Variants in CHN2 observed in about 807,000 individuals in gnomAD.
CHN2 encodes the protein chimerin 2, also known as beta-chimaerin.
A neutral mutation model predicts 56.3 loss-of-function variants in CHN2; 35 were observed. The ratio of observed to expected loss-of-function variants is 0.62; its 90% CI spans 0.47 to 0.82. The LOEUF (loss-of-function observed/expected upper bound fraction) is 0.82. Among genes scored for constraint, CHN2 ranks in the 40% least tolerant of loss-of-function variants. CHN2 has a pLI of 0.00. For missense variants in CHN2, 491 were observed against 580.5 expected (o/e 0.85, Z 1.58); for synonymous variants, 210 against 212.8 (o/e 0.99, Z 0.12).
intron 3 of CHN2, among the ~76,000 whole-genome samples, chr7:29,371,453 C>T (rs1799609400): frequency 6.6e-6 from 1 of 152,236 alleles, no homozygotes; most frequent in South Asian, 2.1e-4. Context: ...TTCCTGAACA[C>T]TCCATGCCGA....
At chr7:29,323,504 C>A (rs1323603604) in intron 1 of CHN2, among the ~76,000 whole-genome samples, 1 of 152,134 alleles carries the variant, frequency 6.6e-6, no homozygotes, top group African/African-American at 2.4e-5. Context: ...TTCTTCCTGC[C>A]TGCTACATAA....
At chr7:29,219,627 A>G (rs1436442938) in intron 1 of CHN2, among the ~76,000 whole-genome samples, 4 of 152,212 alleles carry the variant, frequency 2.6e-5, no homozygotes. Context: ...AAAATTTAAG[A>G]TATACTATGT....
intron 10 of CHN2, among the ~76,000 whole-genome samples, chr7:29,506,514 G>A (rs1160829940): frequency 6.6e-6 from 1 of 152,092 alleles, no homozygotes; most frequent in Non-Finnish European, 1.5e-5. Flanking sequence ...GCACGTCCCT[G>A]GAATCCCAGC....
At chr7:29,303,233 C>T (rs191274400) in intron 1 of CHN2, among the ~76,000 whole-genome samples, 4 of 152,318 alleles carry the variant, frequency 2.6e-5, no homozygotes, top group East Asian at 1.9e-4. Flanking sequence ...TTTCATGATA[C>T]GCTTGATGCA....
intron 2 of CHN2, chr7:29,185,418 G>A (rs367850864): frequency 2.6e-5 from 4 of 152,152 alleles, no homozygotes; most frequent in Non-Finnish European, 5.9e-5. Context: ...CATGATGTCT[G>A]TGGTTACACG....
At chr7:29,379,549 G>T (rs946731318) in intron 3 of CHN2, among the ~76,000 whole-genome samples, 3 of 152,188 alleles carry the variant, frequency 2.0e-5, no homozygotes, top group Non-Finnish European at 2.9e-5. Context: ...AAATATATAT[G>T]CTGTAAAGCA....
chr7:29,281,606 A>T lies in CHN2; in HGVS notation c.50-73019A>T, dbSNP rs1286641215. Among the ~76,000 whole-genome samples, 9 of 152,322 alleles carry T rather than the reference A, an allele frequency of 5.9e-5. No individual in the cohort carries two copies. The East Asian group carries it at 9.7e-4, about 16-fold the overall frequency. The stretch of plus-strand genomic sequence containing the variant: ...GGCAAGGTCTCCCGTGGCTATGAGG[A>T]TCACATGAAATAATATGTTTAAAAC... On this transcript the variant is annotated intron_variant, in intron 1 of 12. Transcript: ENST00000222792.
Position 29,468,668 on chromosome 7 carries a change from C to T in CHN2, c.577-11611C>T, listed in dbSNP as rs140124617. 7.2e-3 allele frequency among the ~76,000 whole-genome samples: 1,101 copies of T among 152,246 alleles called. 7 individuals carry two copies. Among genetic ancestry groups the T allele is most frequent in the Non-Finnish European group, 0.012 (823 of 68,012 alleles). On this transcript the variant is annotated intron_variant, in intron 6 of 12. Transcript: ENST00000222792. ...GTCTCTGATCCAAGTGCTCTTCTCCCATTCTTAAAACACGTGCAATCAGAT... is the reference window on the plus strand; with the variant it reads ...GTCTCTGATCCAAGTGCTCTTCTCCTATTCTTAAAACACGTGCAATCAGAT...
chr7:29,509,855 A>AAG (rs963496862), intron 12 of CHN2, among the ~76,000 whole-genome samples: 22 of 151,792 alleles, frequency 1.4e-4, no homozygotes, highest in Non-Finnish European at 2.5e-4. Flanking sequence ...AAAAAAAAAA[A>AAG]AAAAAGAAAA....
At chr7:29,311,681 A>G (rs1794613707) in intron 1 of CHN2, among the ~76,000 whole-genome samples, 1 of 152,094 alleles carries the variant, frequency 6.6e-6, no homozygotes, top group Non-Finnish European at 1.5e-5. Flanking sequence ...TTCCCCTACC[A>G]CATTGTAGAG....
intron 1 of CHN2, among the ~76,000 whole-genome samples, chr7:29,210,949 G>A (rs947231932): frequency 2.0e-5 from 3 of 152,124 alleles, no homozygotes; most frequent in Admixed American, 2.0e-4. Context: ...AGGAGGAGGC[G>A]GATCATGGAG....
intron 7 of CHN2, among the ~76,000 whole-genome samples, chr7:29,492,123 A>G (rs1314343388): frequency 6.6e-6 from 1 of 152,210 alleles, no homozygotes; most frequent in African/African-American, 2.4e-5. Flanking sequence ...TTACTCTTAG[A>G]TGATAATTAG....
chr7:29,486,760 C>T (rs1181826171), intron 7 of CHN2, among the ~76,000 whole-genome samples: 1 of 152,114 alleles, frequency 6.6e-6, no homozygotes, highest in Non-Finnish European at 1.5e-5. Context: ...CAACCCCCAC[C>T]CCGTGCTATC....
intron 1 of CHN2, among the ~76,000 whole-genome samples, chr7:29,321,394 G>A (rs559927716): frequency 6.6e-6 from 1 of 152,120 alleles, no homozygotes; most frequent in South Asian, 2.1e-4. Context: ...ATCCTCTGAA[G>A]GAGGATATAC....
At chr7:29,380,840 G>C (rs945030877) in intron 3 of CHN2, 1 of 152,160 alleles carries the variant, frequency 6.6e-6, no homozygotes, top group African/African-American at 2.4e-5. Flanking sequence ...GTTTGGAGGA[G>C]AATAATGAAG....
intron 6 of CHN2, among the ~76,000 whole-genome samples, chr7:29,476,298 A>G (rs936372156): frequency 6.6e-6 from 1 of 151,532 alleles, no homozygotes; most frequent in African/African-American, 2.4e-5. Flanking sequence ...GCACTTTGGG[A>G]GAACAAGGTG....
chr7:29,211,610 T>G (rs1372753585), intron 1 of CHN2, among the ~76,000 whole-genome samples: 1 of 152,122 alleles, frequency 6.6e-6, no homozygotes, highest in Non-Finnish European at 1.5e-5. Context: ...CACAAGTTGA[T>G]TTCAGAATCC....
chr7:29,180,551 A>C (rs1411093184), intron 2 of CHN2, among the ~76,000 whole-genome samples: 2 of 152,204 alleles, frequency 1.3e-5, no homozygotes, highest in African/African-American at 4.8e-5. Context: ...CTCAAAAAAA[A>C]AAAAGTCATC....
Position 29,220,006 on chromosome 7 carries a change from C to T in CHN2, c.49+25016C>T, listed in dbSNP as rs560094031. On this transcript the variant is annotated intron_variant, in intron 1 of 12. Coordinates refer to ENST00000222792, the MANE Select transcript of CHN2 (RefSeq NM_004067.4). ...AGGAGAATCACTTGAACCCAGGAGG[C>T]GGAGGTTGCAGTGAGCTGAGATTGC... 4.0e-5 allele frequency among the ~76,000 whole-genome samples: 6 copies of T among 151,862 alleles called. No homozygotes were observed. In the South Asian group the frequency reaches 1.0e-3, roughly 26 times the overall value.
Sources: allele counts gnomAD v4.1 joint callset (sites outside exome capture counted in the v4.1 genomes callset), GRCh38; gene constraint gnomAD v4.1.1; transcripts MANE v1.5; gene names NCBI Gene and HGNC (gene_info 2026-07-23, HGNC 2026-07-21).